Variants in LEPR observed in about 807,000 individuals in gnomAD.
LEPR encodes OB receptor.
In LEPR, 56 loss-of-function variants were observed where a neutral mutation model predicts 114.7. The ratio of observed to expected loss-of-function variants is 0.49; its 90% CI spans 0.39 to 0.61. The LOEUF (loss-of-function observed/expected upper bound fraction) is 0.61, where lower values mean the gene tolerates loss of function less well. Ranked by LOEUF, LEPR falls within the 20% of genes least tolerant of loss-of-function variation. LEPR has a pLI of 0.00. For missense variants in LEPR, 1,202 were observed against 1,352.9 expected (o/e 0.89, Z 1.75); for synonymous variants, 443 against 461.4 (o/e 0.96, Z 0.51).
intron 5 of LEPR, among the ~76,000 whole-genome samples, chr1:65,588,227 TAAC>T (rs1655449495): frequency 6.6e-6 from 1 of 152,032 alleles, no homozygotes; most frequent in Admixed American, 6.6e-5. Flanking sequence ...AAGTAAGAAA[TAAC>T]AACTGTCTGT....
chr1:65,564,621 T>G (rs1229223854), intron 2 of LEPR, among the ~76,000 whole-genome samples: 2 of 152,214 alleles, frequency 1.3e-5, no homozygotes, highest in Non-Finnish European at 2.9e-5. Context: ...TGTGGTAAAG[T>G]GTGGTTTCCA....
rs1350410667 is a variant in LEPR, at chr1:65,533,655, C to CA, written c.-20-31890dup. Among the ~76,000 whole-genome samples the CA allele has an allele frequency of 5.3e-4, 80 of 151,990 alleles. 5 individuals carry two copies. Among genetic ancestry groups the CA allele is most frequent in the Non-Finnish European group, 1.5e-5 (1 of 67,912 alleles). On this transcript the variant is annotated intron_variant, in intron 2 of 19. Coordinates refer to ENST00000349533, the MANE Select transcript of LEPR (RefSeq NM_002303.6). ...ATTTATGGCTTTGAGCTGCCTTCTA[C>CA]ATACTTCTTTATCTGTGTGAAATAA...
chr1:65,459,677 A>G (rs1338426520), intron 2 of LEPR, among the ~76,000 whole-genome samples: 1 of 152,194 alleles, frequency 6.6e-6, no homozygotes, highest in Admixed American at 6.5e-5. Flanking sequence ...TATAACTCAA[A>G]TGTAATAAAT....
intron 19 of LEPR, among the ~76,000 whole-genome samples, chr1:65,627,532 T>C (rs1043199235): frequency 2.6e-5 from 4 of 152,170 alleles, no homozygotes; most frequent in East Asian, 1.9e-4. Context: ...AGCAACTCTT[T>C]CGGTAAATAG....
chr1:65,424,937 G>T (rs1017088998), intron 1 of LEPR, among the ~76,000 whole-genome samples: 5 of 152,202 alleles, frequency 3.3e-5, no homozygotes, highest in African/African-American at 4.8e-5. Context: ...GTTTCAACAT[G>T]TGAATTTGAA....
intron 4 of LEPR, among the ~76,000 whole-genome samples, chr1:65,571,164 A>G (rs531601556): frequency 1.3e-5 from 2 of 152,288 alleles, no homozygotes; most frequent in East Asian, 3.9e-4. Flanking sequence ...TTCTTCAGGC[A>G]AGGAATATCT....
intron 11 of LEPR, among the ~76,000 whole-genome samples, chr1:65,606,185 A>G (rs1052532902): frequency 6.6e-6 from 1 of 152,176 alleles, no homozygotes; most frequent in Non-Finnish European, 1.5e-5. Context: ...TTCTTTTTCA[A>G]TGTAAAGTCC....
chr1:65,621,610 C>A, intron 18 of LEPR, 152 bp downstream of exon 18: 1 of 665,198 alleles, frequency 1.5e-6, no homozygotes, highest in Non-Finnish European at 2.6e-6. Context: ...AAAGGAAAGG[C>A]CTGTTGTGAG....
intron 2 of LEPR, among the ~76,000 whole-genome samples, chr1:65,520,170 T>A (rs186954185): frequency 6.6e-6 from 1 of 152,240 alleles, no homozygotes; most frequent in Non-Finnish European, 1.5e-5. Flanking sequence ...GCCAAAAAAA[T>A]GTTTTTTAAA....
At chr1:65,494,144 G>A (rs563655426) in intron 2 of LEPR, 20 of 152,218 alleles carry the variant, frequency 1.3e-4, no homozygotes, top group South Asian at 2.1e-4. Flanking sequence ...CTGTACTGGC[G>A]TATTATTTTT....
At chr1:65,595,050 G>A (rs977579872) in intron 6 of LEPR, among the ~76,000 whole-genome samples, 1 of 152,036 alleles carries the variant, frequency 6.6e-6, no homozygotes, top group Non-Finnish European at 1.5e-5. Context: ...AGACATGCAT[G>A]CTATGGAATG....
intron 2 of LEPR, chr1:65,434,132 G>A (rs1185388154): frequency 4.1e-6 from 4 of 983,832 alleles, no homozygotes; most frequent in Admixed American, 6.2e-5. Flanking sequence ...TAAAGTACTT[G>A]CATATAGAGT....
intron 2 of LEPR, among the ~76,000 whole-genome samples, chr1:65,486,962 T>G (rs911784832): frequency 2.0e-5 from 3 of 152,178 alleles, no homozygotes; most frequent in Admixed American, 6.6e-5. Context: ...ACACATGTGC[T>G]GTTATTGAAG....
intron 5 of LEPR, among the ~76,000 whole-genome samples, chr1:65,574,018 G>C (rs781262223): frequency 1.5e-4 from 23 of 152,180 alleles, no homozygotes; most frequent in African/African-American, 4.8e-4. Flanking sequence ...GCTAGCAGTT[G>C]GGACCTGTAT....
intron 19 of LEPR, among the ~76,000 whole-genome samples, chr1:65,625,165 GGTGA>G (rs1306724858): frequency 3.3e-5 from 5 of 152,150 alleles, no homozygotes; most frequent in African/African-American, 9.7e-5. Context: ...ACAAGCACAT[GGTGA>G]GTATTTATAT....
intron 2 of LEPR, among the ~76,000 whole-genome samples, chr1:65,506,036 T>C (rs977520490): frequency 2.6e-5 from 4 of 152,200 alleles, no homozygotes; most frequent in Admixed American, 6.5e-5. Flanking sequence ...TTGGCAAAAG[T>C]AAGAGCTGGC....
chr1:65,565,114 C>T (rs931523088), intron 2 of LEPR, among the ~76,000 whole-genome samples: 2 of 152,084 alleles, frequency 1.3e-5, no homozygotes, highest in Non-Finnish European at 2.9e-5. Flanking sequence ...TTTGGCCTTA[C>T]AATATCATAG....
chr1:65,603,834 T>C (rs1171633400), intron 10 of LEPR, among the ~76,000 whole-genome samples: 1 of 152,074 alleles, frequency 6.6e-6, no homozygotes, highest in Admixed American at 6.5e-5. Flanking sequence ...AGGTGGAGTG[T>C]TGGCTAGGAC....
intron 2 of LEPR, among the ~76,000 whole-genome samples, chr1:65,455,293 A>G (rs1281476740): frequency 1.3e-5 from 2 of 152,194 alleles, no homozygotes; most frequent in Non-Finnish European, 2.9e-5. Context: ...CGTCGAAGTC[A>G]TTCTCTGTCC....
Sources: allele counts gnomAD v4.1 joint callset (sites outside exome capture counted in the v4.1 genomes callset), GRCh38; gene constraint gnomAD v4.1.1; transcripts MANE v1.5; gene names NCBI Gene and HGNC (gene_info 2026-07-23, HGNC 2026-07-21).